OSBPL8: variants seen among roughly 807,000 people sequenced by gnomAD.
OSBPL8 encodes oxysterol binding protein like 8, also known as oxysterol-binding protein-related protein 8.
OSBPL8 carries 59 observed loss-of-function variants against 125.5 expected under a neutral mutation model. That is an observed-to-expected ratio of 0.47 (90% CI 0.38 to 0.58). The LOEUF (loss-of-function observed/expected upper bound fraction) is 0.58, where lower values mean the gene tolerates loss of function less well. Ranked by LOEUF, OSBPL8 falls within the 20% of genes least tolerant of loss-of-function variation. The probability of loss-of-function intolerance (pLI) is 0.00; values close to 1 mark genes in which losing one functional copy is unlikely to be tolerated. For missense variants in OSBPL8, 758 were observed against 1,047.8 expected (o/e 0.72, Z 3.82); for synonymous variants, 330 against 338.9 (o/e 0.97, Z 0.29).
chr12:76,427,034 T>C (rs1870230992), intron 4 of OSBPL8, among the ~76,000 whole-genome samples: 1 of 152,148 alleles, frequency 6.6e-6, no homozygotes, highest in South Asian at 2.1e-4. Context: ...AAGAAGGCCA[T>C]CTTTCCTACT....
chr12:76,355,753 A>T lies in OSBPL8; in HGVS notation c.*136T>A. On this transcript the variant is annotated 3_prime_UTR_variant, in exon 24 of 24. Transcript: ENST00000261183. The stretch of plus-strand genomic sequence containing the variant: ...GTGAAGATAAAAGATACGAAAAGTC[A>T]ATACCTCTACATTTATCTCCTAGGT... The T allele has an allele frequency of 1.1e-6, 1 of 907,740 alleles. No homozygotes were observed. Among genetic ancestry groups the T allele is most frequent in the Non-Finnish European group, 1.6e-6 (1 of 620,308 alleles). 56.2% of individuals were successfully genotyped at this position (907,740 alleles called of 1,614,324 possible). A position where few individuals can be genotyped will look rare whatever the true frequency, so the allele number is the denominator to read the frequency against.
intron 12 of OSBPL8, among the ~76,000 whole-genome samples, chr12:76,389,357 A>G (rs1953459763): frequency 6.6e-6 from 1 of 152,210 alleles, no homozygotes; most frequent in Admixed American, 6.5e-5. Context: ...CTGTTAGGTT[A>G]GTGAACTGAG....
intron 4 of OSBPL8, among the ~76,000 whole-genome samples, chr12:76,428,571 T>C (rs1375503013): frequency 6.6e-6 from 1 of 152,078 alleles, no homozygotes; most frequent in African/African-American, 2.4e-5. Flanking sequence ...AATCTCAAGA[T>C]AATAAACCTA....
At chr12:76,505,828 T>C (rs1274899387) in intron 1 of OSBPL8, among the ~76,000 whole-genome samples, 2 of 152,174 alleles carry the variant, frequency 1.3e-5, no homozygotes, top group Admixed American at 6.5e-5. Flanking sequence ...GTAACTAAGC[T>C]GCAAATCACG....
At chr12:76,440,707 T>C (rs924946911) in intron 4 of OSBPL8, among the ~76,000 whole-genome samples, 1 of 152,176 alleles carries the variant, frequency 6.6e-6, no homozygotes, top group African/African-American at 2.4e-5. Context: ...TGTTATCCAG[T>C]TCATTAACTA....
At position 76,395,096 on chromosome 12, in the gene OSBPL8, C is replaced by A. The variant is rs117457559; in HGVS notation, c.673-367G>T. ...TAAATTTCTAGAAGGCTAAAGAAAG[C>A]ATGTGGAAATAGAATTATAATTTAA... On this transcript the variant is annotated intron_variant, in intron 8 of 23. Transcript: ENST00000261183. Among the ~76,000 whole-genome samples the A allele has an allele frequency of 2.3e-3, 354 of 152,076 alleles. 8 individuals are homozygous for A. The East Asian group carries it at 0.04, about 17-fold the overall frequency.
At chr12:76,360,904 A>C (rs1452785019) in intron 21 of OSBPL8, among the ~76,000 whole-genome samples, 1 of 152,146 alleles carries the variant, frequency 6.6e-6, no homozygotes, top group Non-Finnish European at 1.5e-5. Context: ...CAGCCCATGA[A>C]ACCATTTTTT....
In OSBPL8 at chr12:76,412,480, C is replaced by T. The variant is rs11112265; in HGVS notation, c.218-1846G>A. On this transcript the variant is annotated intron_variant, in intron 4 of 23. Transcript: ENST00000261183. ...CTTTCCCTACTCTTCCATTTTATTG[C>T]GTTTCTCTTGCTTTGACATCCTATG... Among the ~76,000 whole-genome samples the T allele has an allele frequency of 7.9e-4, 120 of 152,186 alleles. 1 individual carries two copies. The East Asian group carries it at 0.02, about 26-fold the overall frequency.
chr12:76,427,349 G>A (rs1242783065), intron 4 of OSBPL8, among the ~76,000 whole-genome samples: 1 of 151,826 alleles, frequency 6.6e-6, no homozygotes, highest in African/African-American at 2.4e-5. Flanking sequence ...GCACATATGT[G>A]TATATGTGTA....
At chr12:76,524,860 T>G (rs1950126073) in intron 1 of OSBPL8, among the ~76,000 whole-genome samples, 1 of 152,070 alleles carries the variant, frequency 6.6e-6, no homozygotes, top group Non-Finnish European at 1.5e-5. Context: ...ATTTTTGTAT[T>G]TTTAGTAGAG....
chr12:76,391,690 G>T (rs967897258), intron 10 of OSBPL8, among the ~76,000 whole-genome samples: 1 of 152,112 alleles, frequency 6.6e-6, no homozygotes, highest in African/African-American at 2.4e-5. Context: ...TTGAGCCCAG[G>T]AGTTCCAGGT....
chr12:76,555,942 G>C lies in OSBPL8; in HGVS notation c.-68+3455C>G, dbSNP rs146849250. Among the ~76,000 whole-genome samples the C allele has an allele frequency of 2.4e-3, 370 of 152,232 alleles. 1 individual carries two copies. Among genetic ancestry groups the C allele is most frequent in the African/African-American group, 8.2e-3 (339 of 41,526 alleles). ...TTATTCAGTCTGACTTAAATGCTTTGCTGCACGTTGTCTACCCCCTTAGAC... is the reference window on the plus strand; with the variant it reads ...TTATTCAGTCTGACTTAAATGCTTTCCTGCACGTTGTCTACCCCCTTAGAC... On this transcript the variant is annotated intron_variant, in intron 1 of 23. Coordinates refer to ENST00000261183, the MANE Select transcript of OSBPL8 (RefSeq NM_020841.5).
intron 1 of OSBPL8, among the ~76,000 whole-genome samples, chr12:76,558,125 A>G (rs866995960): frequency 2.9e-5 from 4 of 137,280 alleles, no homozygotes; most frequent in South Asian, 4.4e-4. Context: ...CACGGTTAAT[A>G]TTAAAAAAAA....
intron 1 of OSBPL8, among the ~76,000 whole-genome samples, chr12:76,498,447 C>A (rs1879512056): frequency 6.6e-6 from 1 of 152,216 alleles, no homozygotes; most frequent in Non-Finnish European, 1.5e-5. Flanking sequence ...AAGCACGCAC[C>A]TCTCACACCA....
At chr12:76,369,358 A>C (rs1445857057) in intron 20 of OSBPL8, 57 bp from the exon 21 acceptor site, 1 of 1,543,992 alleles carries the variant, frequency 6.5e-7, no homozygotes, top group Non-Finnish European at 8.7e-7. Flanking sequence ...AAGAACTTTA[A>C]AACTTTCTAT....
At chr12:76,464,292 A>G (rs1405732237) in intron 2 of OSBPL8, among the ~76,000 whole-genome samples, 1 of 152,182 alleles carries the variant, frequency 6.6e-6, no homozygotes, top group Non-Finnish European at 1.5e-5. Flanking sequence ...GTCTCTAAAA[A>G]GCAACAGTTT....
At chr12:76,511,276 G>T (rs773203038) in intron 1 of OSBPL8, among the ~76,000 whole-genome samples, 11 of 152,116 alleles carry the variant, frequency 7.2e-5, no homozygotes, top group Non-Finnish European at 5.9e-5. Context: ...GGGACTGCTG[G>T]GTCAAATAGT....
intron 8 of OSBPL8, among the ~76,000 whole-genome samples, chr12:76,396,806 G>C (rs1415180387): frequency 5.3e-5 from 8 of 152,028 alleles, no homozygotes; most frequent in Admixed American, 5.2e-4. Context: ...TATTCAGTTA[G>C]TATAATGCTT....
intron 1 of OSBPL8, among the ~76,000 whole-genome samples, chr12:76,513,675 C>T (rs1286701752): frequency 6.8e-6 from 1 of 147,974 alleles, no homozygotes; most frequent in Non-Finnish European, 1.5e-5. Context: ...TAGTAATGCC[C>T]TTCTTTTTTT....
Sources: gnomAD v4.1 joint callset for allele counts (sites outside exome capture counted in the v4.1 genomes callset) on GRCh38, gnomAD v4.1.1 for gene constraint, MANE v1.5 for transcripts, NCBI Gene and HGNC (gene_info 2026-07-23, HGNC 2026-07-21) for gene names.